CALN1: variants seen among roughly 807,000 people sequenced by gnomAD.
The protein encoded by CALN1 is calcium-binding protein 8.
Under a neutral mutation model 30.6 loss-of-function variants are expected in CALN1, and 17 were observed. The observed-to-expected ratio is 0.56, with a 90% confidence interval of 0.38 to 0.83. The LOEUF is 0.83. Among genes scored for constraint, CALN1 ranks in the 40% least tolerant of loss-of-function variants. The probability of loss-of-function intolerance (pLI) is 0.00; values close to 1 mark genes in which losing one functional copy is unlikely to be tolerated. For synonymous variants in CALN1, 156 were observed against 131.4 expected (o/e 1.19, Z -1.28); for missense variants, 291 against 354.9 (o/e 0.82, Z 1.45).
rs1475630024 is a variant in CALN1, at chr7:72,227,817, T to TCCAGC, written c.244+50868_244+50869insGCTGG. ...GTGAGCCGAGACTGCACCACTGCAC[T>TCCAGC]CTGAATCATTATGAAGATGAGAAGT... On this transcript the variant is annotated intron_variant, in intron 3 of 6. Coordinates refer to ENST00000395275, the MANE Select transcript of CALN1 (RefSeq NM_031468.4). 4.1e-4 allele frequency among the ~76,000 whole-genome samples: 62 copies of TCCAGC among 152,148 alleles called. 1 individual carries two copies. Among genetic ancestry groups the TCCAGC allele is most frequent in the Non-Finnish European group, 6.2e-4 (42 of 67,978 alleles).
At position 72,159,487 on chromosome 7, in the gene CALN1, G is replaced by A. The variant is rs895223205; in HGVS notation, c.245-53193C>T. Among the ~76,000 whole-genome samples, 9 of 152,020 alleles carry A rather than the reference G, an allele frequency of 5.9e-5. No homozygotes were observed. In the South Asian group the frequency reaches 6.2e-4, roughly 11 times the overall value. On this transcript the variant is annotated intron_variant, in intron 3 of 6. Coordinates refer to ENST00000395275, the MANE Select transcript of CALN1 (RefSeq NM_031468.4). ...TGTACTCCAGCCTGGGCAACAGAGC[G>A]AGACCCTGTCTCTAAAATAAAATAA...
At chr7:72,035,568 T>C (rs371869064) in intron 4 of CALN1, among the ~76,000 whole-genome samples, 69 of 152,342 alleles carry the variant, frequency 4.5e-4, no homozygotes, top group African/African-American at 1.6e-3. Flanking sequence ...GTTGATCTTT[T>C]TGTAGTGAAA....
intron 4 of CALN1, among the ~76,000 whole-genome samples, chr7:72,064,335 G>A (rs1803875918): frequency 6.6e-6 from 1 of 151,858 alleles, no homozygotes; most frequent in African/African-American, 2.4e-5. Context: ...ATGAAAACTC[G>A]TTTTTCTCTA....
chr7:72,446,722 G>A (rs1298888851), intron 1 of CALN1, among the ~76,000 whole-genome samples: 2 of 152,142 alleles, frequency 1.3e-5, no homozygotes, highest in African/African-American at 2.4e-5. Context: ...CCGGCCGGGA[G>A]GAAATGGTTT....
intron 3 of CALN1, among the ~76,000 whole-genome samples, chr7:72,209,812 TTC>T (rs989648865): frequency 1.8e-4 from 27 of 152,066 alleles, no homozygotes; most frequent in African/African-American, 6.0e-4. Flanking sequence ...TGTCTCTGGA[TTC>T]TCTCTCAAGC....
chr7:71,969,404 T>C (rs1797684610), intron 5 of CALN1, among the ~76,000 whole-genome samples: 1 of 152,216 alleles, frequency 6.6e-6, no homozygotes, highest in Non-Finnish European at 1.5e-5. Context: ...TAATGTGGTC[T>C]AGATACTTGT....
chr7:72,332,546 C>G (rs902380955), intron 2 of CALN1, among the ~76,000 whole-genome samples: 8 of 151,874 alleles, frequency 5.3e-5, no homozygotes, highest in African/African-American at 1.9e-4. Context: ...CCTCCTACCT[C>G]AATAATAATA....
At chr7:71,874,748 G>A (rs1792143387) in intron 5 of CALN1, among the ~76,000 whole-genome samples, 1 of 152,176 alleles carries the variant, frequency 6.6e-6, no homozygotes, top group Admixed American at 6.6e-5. Flanking sequence ...ACTGGTCTAG[G>A]GCAAATAAGG....
chr7:71,810,731 A>T (rs1584269454), intron 5 of CALN1, among the ~76,000 whole-genome samples: 1 of 151,954 alleles, frequency 6.6e-6, no homozygotes, highest in South Asian at 2.1e-4. Context: ...GAGAAAAAAA[A>T]TGCCACCCGC....
chr7:72,450,242 G>C (rs1375166566), upstream of CALN1, among the ~76,000 whole-genome samples: 1 of 152,172 alleles, frequency 6.6e-6, no homozygotes, highest in Non-Finnish European at 1.5e-5. Context: ...CACCCAGTCA[G>C]ACATCAGTTA....
At chr7:72,080,905 C>T (rs933665358) in intron 4 of CALN1, among the ~76,000 whole-genome samples, 1 of 152,098 alleles carries the variant, frequency 6.6e-6, no homozygotes, top group African/African-American at 2.4e-5. Flanking sequence ...CACTTAGGTG[C>T]ATTTTCAGCT....
the CALN1 span, among the ~76,000 whole-genome samples, chr7:72,480,315 A>T: frequency 2.0e-5 from 3 of 152,316 alleles, no homozygotes; most frequent in South Asian, 6.2e-4. Flanking sequence ...ACATTGGTTG[A>T]TTTTCAAATA....
intron 3 of CALN1, among the ~76,000 whole-genome samples, chr7:72,107,038 G>A (rs1430530808): frequency 6.6e-6 from 1 of 151,036 alleles, no homozygotes; most frequent in Admixed American, 6.6e-5. Flanking sequence ...GAAAAAGAAA[G>A]AAAGAAGGAG....
At chr7:72,265,675 T>G (rs1796551630) in intron 3 of CALN1, among the ~76,000 whole-genome samples, 1 of 152,092 alleles carries the variant, frequency 6.6e-6, no homozygotes, top group Non-Finnish European at 1.5e-5. Context: ...GTTACTCCTG[T>G]TCCTCAAATA....
At chr7:72,479,205 T>G in the CALN1 span, among the ~76,000 whole-genome samples, 2 of 152,130 alleles carry the variant, frequency 1.3e-5, no homozygotes, top group Admixed American at 1.3e-4. Context: ...GGTTGAAGTG[T>G]GTGTACGTAT....
intron 5 of CALN1, among the ~76,000 whole-genome samples, chr7:71,858,135 G>T (rs1385281201): frequency 6.6e-6 from 1 of 152,096 alleles, no homozygotes; most frequent in Admixed American, 6.6e-5. Context: ...AAATCATGGG[G>T]GTGGTTACCT....
At chr7:72,133,347 A>C (rs1248920625) in intron 3 of CALN1, among the ~76,000 whole-genome samples, 1 of 152,228 alleles carries the variant, frequency 6.6e-6, no homozygotes, top group Non-Finnish European at 1.5e-5. Context: ...AAAATAAACA[A>C]TAACGGCAGT....
intron 2 of CALN1, among the ~76,000 whole-genome samples, chr7:72,402,845 G>A (rs1806434500): frequency 6.6e-6 from 1 of 152,158 alleles, no homozygotes; most frequent in African/African-American, 2.4e-5. Context: ...CAAGCTGCCT[G>A]TTTGTGTTAC....
chr7:72,495,676 G>A, the CALN1 span, among the ~76,000 whole-genome samples: 6 of 152,204 alleles, frequency 3.9e-5, no homozygotes, highest in Non-Finnish European at 4.4e-5. Flanking sequence ...AGAAAACAGA[G>A]AAGTGTGGAC....
Sources: allele counts gnomAD v4.1 joint callset (sites outside exome capture counted in the v4.1 genomes callset), GRCh38; gene constraint gnomAD v4.1.1; transcripts MANE v1.5; gene names NCBI Gene and HGNC (gene_info 2026-07-23, HGNC 2026-07-21).